Variants in DYNC2H1 observed in about 807,000 individuals in gnomAD.
The protein encoded by DYNC2H1 is dynein cytoplasmic 2 heavy chain 1, also known as cytoplasmic dynein 2 heavy chain 1.
A neutral mutation model predicts 570.0 loss-of-function variants in DYNC2H1; 410 were observed. The ratio of observed to expected loss-of-function variants is 0.72; its 90% confidence interval spans 0.66 to 0.78. The LOEUF is 0.78. Among genes scored for constraint, DYNC2H1 ranks in the 30% least tolerant of loss-of-function variants. DYNC2H1 has a pLI of 0.00. For synonymous variants in DYNC2H1, 1,688 were observed against 1,677.6 expected (o/e 1.01, Z -0.15); for missense variants, 4,865 against 5,046.4 (o/e 0.96, Z 1.09).
rs902885414 is a variant in DYNC2H1, at chr11:103,299,644, C to T, written c.11096-3449C>T. Among the ~76,000 whole-genome samples, 4 of 152,246 alleles carry T rather than the reference C, an allele frequency of 2.6e-5. No homozygotes were observed. Among genetic ancestry groups the T allele is most frequent in the African/African-American group, 7.2e-5 (3 of 41,564 alleles). ...ACTCCTGTTTCTCTTTTCTGCTACA[C>T]TTCTTTGACTCTAACAAGAGAAACT... On this transcript the variant is annotated intron_variant, in intron 75 of 88. Transcript: ENST00000375735. The surrounding 1 kb of genome is among the most constrained non-coding windows in gnomAD (Gnocchi z 4.5).
chr11:103,303,349 A>G (rs1462144903), intron 76 of DYNC2H1, 96 bp downstream of exon 76: 7 of 1,333,478 alleles, frequency 5.2e-6, no homozygotes, highest in Non-Finnish European at 7.2e-6. Context: ...GTGATAAGCC[A>G]AATAATGCCC....
rs1164534321 is a variant in DYNC2H1, at chr11:103,181,428, A to G, written c.6348-329A>G. 6.6e-6 allele frequency among the ~76,000 whole-genome samples: 1 copy of G among 151,648 alleles called. No individual in the cohort carries two copies. Among genetic ancestry groups the G allele is most frequent in the African/African-American group, 2.4e-5 (1 of 41,406 alleles). ...GACCACTTTAGGCTATGTAGAGCCT[A>G]TGTAGAGTAGGTTGTGTAGATATAT... On this transcript the variant is annotated intron_variant, in intron 39 of 88. Transcript: ENST00000375735. The surrounding 1 kb of genome is among the most constrained non-coding windows in gnomAD (Gnocchi z 5.0).
Position 103,199,185 on chromosome 11 carries a change from TA to T in DYNC2H1, c.7840-42del, listed in dbSNP as rs1273854255. The T allele has an allele frequency of 8.3e-6, 11 of 1,328,014 alleles. No homozygotes were observed. The highest frequency in any genetic ancestry group is 1.1e-5 in the Non-Finnish European group (11 of 987,294). 82.3% of individuals were successfully genotyped at this position (1,328,014 alleles called of 1,614,324 possible). A position where few individuals can be genotyped will look rare whatever the true frequency, so the allele number is the denominator to read the frequency against. ...GTAAGTAACATTTTTATTATGTAAT[TA>T]GGGCTTATATTAATTATAAAATATT... On this transcript the variant is annotated intron_variant, in intron 48 of 88. Coordinates refer to ENST00000375735, the MANE Select transcript of DYNC2H1 (RefSeq NM_001377.3). The surrounding 1 kb of genome is among the most constrained non-coding windows in gnomAD (Gnocchi z 4.6).
intron 82 of DYNC2H1, among the ~76,000 whole-genome samples, chr11:103,347,261 T>C (rs1017382519): frequency 6.6e-6 from 1 of 152,190 alleles, no homozygotes; most frequent in Non-Finnish European, 1.5e-5. Flanking sequence ...TTAATAAGAC[T>C]TATAATACAT....
At chr11:103,379,800 C>A (rs1941561382) in intron 83 of DYNC2H1, among the ~76,000 whole-genome samples, 1 of 152,158 alleles carries the variant, frequency 6.6e-6, no homozygotes, top group African/African-American at 2.4e-5. Context: ...CAATAAAAAT[C>A]AGATAATGCT....
intron 47 of DYNC2H1, among the ~76,000 whole-genome samples, chr11:103,194,713 A>G (rs573345791): frequency 6.6e-6 from 1 of 151,646 alleles, no homozygotes; most frequent in Non-Finnish European, 1.5e-5. Flanking sequence ...CCATTTTTCC[A>G]ATCAAATTTT....
chr11:103,150,615 A>G (rs894954444), intron 20 of DYNC2H1, among the ~76,000 whole-genome samples: 13 of 152,296 alleles, frequency 8.5e-5, no homozygotes, highest in African/African-American at 3.1e-4. Context: ...AAAGGTAAGG[A>G]CTACAAATAC....
At chr11:103,397,405 C>G (rs931315494) in intron 83 of DYNC2H1, among the ~76,000 whole-genome samples, 1 of 152,058 alleles carries the variant, frequency 6.6e-6, no homozygotes, top group African/African-American at 2.4e-5. Context: ...GTAACATACT[C>G]ATTTTGTGAT....
chr11:103,167,000 T>C (rs1861338371), intron 31 of DYNC2H1, among the ~76,000 whole-genome samples: 2 of 147,510 alleles, frequency 1.4e-5, no homozygotes, highest in Admixed American at 6.8e-5. Context: ...CTTTTTTTTT[T>C]TTTTTTTTTT....
intron 40 of DYNC2H1, among the ~76,000 whole-genome samples, chr11:103,182,915 T>C (rs1268860366): frequency 2.0e-5 from 3 of 151,844 alleles, no homozygotes; most frequent in Admixed American, 6.6e-5. Flanking sequence ...AATGGAGGAA[T>C]AGGGATTTGT....
chr11:103,165,215 C>G (rs1402893846), intron 30 of DYNC2H1, among the ~76,000 whole-genome samples: 1 of 152,106 alleles, frequency 6.6e-6, no homozygotes, highest in Non-Finnish European at 1.5e-5. Flanking sequence ...GCAACCTCCC[C>G]CTCTCAGGCT....
At position 103,293,696 on chromosome 11, in the gene DYNC2H1, C is replaced by A. The variant is rs186766680; in HGVS notation, c.11095+6091C>A. Among the ~76,000 whole-genome samples, 615 of 152,088 alleles carry A rather than the reference C, an allele frequency of 4.0e-3. 2 individuals are homozygous for A. The highest frequency in any genetic ancestry group is 7.1e-3 in the Non-Finnish European group (484 of 68,002). Reference sequence around the variant, plus strand: ...CTTGATAAATTCTGTTATTGAGACACTGATGCATTTTTCAGTTTGTTAATT... The same window carrying A: ...CTTGATAAATTCTGTTATTGAGACAATGATGCATTTTTCAGTTTGTTAATT... On this transcript the variant is annotated intron_variant, in intron 75 of 88. Transcript: ENST00000375735.
intron 88 of DYNC2H1, among the ~76,000 whole-genome samples, chr11:103,474,794 AG>A (rs1945502474): frequency 6.6e-6 from 1 of 152,324 alleles, no homozygotes; most frequent in East Asian, 1.9e-4. Context: ...TAGTATATAT[AG>A]GGTTTGGCAC....
chr11:103,213,262 T>C (rs1391029605), intron 54 of DYNC2H1, among the ~76,000 whole-genome samples: 1 of 152,124 alleles, frequency 6.6e-6, no homozygotes, highest in African/African-American at 2.4e-5. Context: ...AACCAAGTCA[T>C]GTCTACTATA....
intron 5 of DYNC2H1, 137 bp from the exon 6 acceptor site, chr11:103,117,494 A>C: frequency 2.5e-5 from 15 of 611,230 alleles, no homozygotes; most frequent in Non-Finnish European, 3.4e-5. Flanking sequence ...TAGTCTAAGG[A>C]CATGCATGTG....
At chr11:103,451,602 A>G (rs1944607171) in intron 85 of DYNC2H1, among the ~76,000 whole-genome samples, 1 of 152,104 alleles carries the variant, frequency 6.6e-6, no homozygotes, top group African/African-American at 2.4e-5. Flanking sequence ...AAGTGCTGGG[A>G]TTACAGGCAT....
chr11:103,136,227 A>G (rs1469145898), intron 17 of DYNC2H1, among the ~76,000 whole-genome samples: 1 of 145,522 alleles, frequency 6.9e-6, no homozygotes, highest in Non-Finnish European at 1.5e-5. Flanking sequence ...TTTTTATTTT[A>G]TTTATTTTAT....
Position 103,185,766 on chromosome 11 carries a change from C to T in DYNC2H1, c.6634-476C>T, listed in dbSNP as rs78113705. 4.3e-3 allele frequency among the ~76,000 whole-genome samples: 655 copies of T among 151,946 alleles called. 9 individuals are homozygous for T. The East Asian group carries it at 0.05, about 12-fold the overall frequency. On this transcript the variant is annotated intron_variant, in intron 41 of 88. Transcript: ENST00000375735. The surrounding 1 kb of genome is among the most constrained non-coding windows in gnomAD (Gnocchi z 4.5). Reference sequence around the variant, plus strand: ...AAGCACATACTCTCTTGTCAAAGTTCCGAATAAATGTATTGAAGAATAGTA... The same window carrying T: ...AAGCACATACTCTCTTGTCAAAGTTTCGAATAAATGTATTGAAGAATAGTA...
chr11:103,302,449 C>G (rs1216981635), intron 75 of DYNC2H1, among the ~76,000 whole-genome samples: 2 of 152,022 alleles, frequency 1.3e-5, no homozygotes, highest in African/African-American at 4.8e-5. Flanking sequence ...GAAACTGAGG[C>G]ACAGTGCATT....
Sources: gnomAD v4.1 joint callset for allele counts (sites outside exome capture counted in the v4.1 genomes callset) on GRCh38, gnomAD v4.1.1 for gene constraint, Gnocchi (gnomAD v3.1) non-coding constraint, MANE v1.5 for transcripts, NCBI Gene and HGNC (gene_info 2026-07-23, HGNC 2026-07-21) for gene names.